The following ZFHX2 variants were observed in gnomAD, a reference collection of about 807,000 sequenced individuals.
The protein encoded by ZFHX2 is zinc finger homeobox protein 2.
ZFHX2 carries 75 observed loss-of-function variants against 164.8 expected under a neutral mutation model. That is an observed-to-expected ratio of 0.46 (90% confidence interval 0.38 to 0.55). ZFHX2 has a LOEUF of 0.55. ZFHX2 is among the 20% of genes least tolerant of loss of function. ZFHX2 has a pLI of 0.00. For synonymous variants in ZFHX2, 1,217 were observed against 1,351.4 expected, an observed-to-expected ratio of 0.90 and a Z score of 2.18; for missense variants, 2,933 against 3,308.0, an observed-to-expected ratio of 0.89 and a Z score of 2.78.
At chr14:23,540,822 C>T (rs903223943) in intron 1 of ZFHX2, among the ~76,000 whole-genome samples, 19 of 152,228 alleles carry the variant, frequency 1.2e-4, no homozygotes, top group African/African-American at 4.6e-4. Flanking sequence ...TTTTCCTTCT[C>T]TCTTTCCTGT....
In ZFHX2 at chr14:23,532,688, T is replaced by G. The variant is rs1286214293; in HGVS notation, c.2438A>C (p.Tyr813Ser). The G allele has an allele frequency of 6.5e-7, 1 of 1,528,572 alleles. No individual in the cohort carries two copies. Among genetic ancestry groups the G allele is most frequent in the South Asian group, 1.2e-5 (1 of 82,566 alleles). 94.7% of individuals were successfully genotyped at this position (1,528,572 alleles called of 1,614,324 possible). Reference protein sequence around the residue: ...SPASLGDGAPYGSVSPLHLRC... With the variant: ...SPASLGDGAPSGSVSPLHLRC... Reference sequence around the variant, plus strand: ...CAGGTGTAGTGGGGAGACAGACCCATAAGGAGCCCCATCTCCCAGGGATGC... The same window carrying G: ...CAGGTGTAGTGGGGAGACAGACCCAGAAGGAGCCCCATCTCCCAGGGATGC... The change falls in exon 3 of 10, where the codon TAT becomes TCT. Residue 813 changes from tyrosine (Y) to serine (S), a missense_variant. Physicochemically the swap from Tyr to Ser is moderately radical, Grantham distance 144. Transcript: ENST00000419474.
chr14:23,526,952 A>T lies in ZFHX2; in HGVS notation c.3157T>A (p.Phe1053Ile). 1 of 1,525,054 alleles carries T rather than the reference A, an allele frequency of 6.6e-7. No individual in the cohort carries two copies. Among genetic ancestry groups the T allele is most frequent in the African/African-American group, 1.4e-5 (1 of 72,422 alleles). The allele number at this position is 1,525,054 out of a possible 1,614,324, so 94.5% of individuals were successfully genotyped here. ...GGTGCAGACAGCACTTTGGTTGTAA[A>T]TGTCATTTCTACAGTTGTAGCCTGC... ...LLVATTVEMT[F>I]TTKVLSAPTL... The change falls in exon 8 of 10, where the codon TTT becomes ATT. Residue 1053 changes from phenylalanine (F) to isoleucine (I), a missense_variant. Transcript: ENST00000419474.
chr14:23,527,820 G>C lies in ZFHX2; in HGVS notation c.2935-16C>G. On this transcript the variant is annotated splice_polypyrimidine_tract_variant and intron_variant, in intron 6 of 9. Transcript: ENST00000419474. ...AGCAGTATACCTGGAGGGAACATAT[G>C]GGCAGTGGACGAAGTGTCAGGGAAG... The C allele has an allele frequency of 6.5e-7, 1 of 1,534,170 alleles. No homozygotes were observed. Among genetic ancestry groups the C allele is most frequent in the African/African-American group, 1.4e-5 (1 of 73,066 alleles).
At chr14:23,555,282 A>G (rs1882270302), upstream of ZFHX2, among the ~76,000 whole-genome samples, 1 of 152,124 alleles carries the variant, frequency 6.6e-6, no homozygotes, top group Non-Finnish European at 1.5e-5. Context: ...TGCAGGTGTG[A>G]GCAACCGCAC....
Position 23,535,129 on chromosome 14 carries a change from C to T in ZFHX2, c.197G>A (p.Gly66Asp), listed in dbSNP as rs1464110343. ...CCCAATCTCCTTTGGTGGGACGAGGCCACAGCCCGACTCCAGGAGCTGTCC... is the reference window on the plus strand; with the variant it reads ...CCCAATCTCCTTTGGTGGGACGAGGTCACAGCCCGACTCCAGGAGCTGTCC... ...PGGQLLESGC[G>D]LVPPKEIGEP... Residue 66 changes from glycine (G) to aspartate (D), a missense_variant, in exon 2 of 10, where the codon GGC (glycine) becomes GAC (aspartate). Coordinates refer to ENST00000419474, the MANE Select transcript of ZFHX2 (RefSeq NM_033400.3). This position sits in a 1 kb window ranked among gnomAD's most constrained non-coding sequence, Gnocchi z 4.5. The T allele has an allele frequency of 2.0e-6, 3 of 1,536,024 alleles. No individual in the cohort carries two copies. The East Asian group carries it at 7.3e-5, about 38-fold the overall frequency.
At chr14:23,530,993 A>C (rs1380159973) in intron 4 of ZFHX2, 1 of 162,756 alleles carries the variant, frequency 6.1e-6, no homozygotes, top group Non-Finnish European at 1.3e-5. Flanking sequence ...GGGTGACTCT[A>C]AGCCCAGCCT....
At chr14:23,539,740 C>T (rs747370547) in intron 1 of ZFHX2, among the ~76,000 whole-genome samples, 12 of 152,140 alleles carry the variant, frequency 7.9e-5, no homozygotes, top group Non-Finnish European at 1.6e-4. Context: ...GTACAGCCCC[C>T]TCCCACCTCT....
rs1306283606 is a variant in ZFHX2, at chr14:23,526,616, A to G, written c.3326T>C (p.Val1109Ala). ...DPLPEPPLASVEVPDKPSGSP... is the reference protein window; with the variant it reads ...DPLPEPPLASAEVPDKPSGSP... ...TCCTGAGGGTTTGTCTGGGACCTCA[A>G]CTGAGGCCAGGGGAGGCTCAGGAAG... The change falls in exon 9 of 10, where the codon GTT (valine) becomes GCT (alanine). Residue 1109 changes from valine to alanine, a missense_variant. Val to Ala is a moderately conservative substitution (Grantham distance 64). Coordinates refer to ENST00000419474, the MANE Select transcript of ZFHX2 (RefSeq NM_033400.3). 1.0e-5 allele frequency: 16 copies of G among 1,535,830 alleles called. No homozygotes were observed. The highest frequency in any genetic ancestry group is 4.9e-5 in the East Asian group (2 of 40,858).
chr14:23,526,748 C>T (rs117548930), intron 8 of ZFHX2, 69 bp from the exon 9 acceptor site: 1 of 1,533,028 alleles, frequency 6.5e-7, no homozygotes, highest in East Asian at 2.4e-5. Flanking sequence ...CCACTCAATA[C>T]CAAGGCAGTT....
In ZFHX2 at chr14:23,526,413, T is replaced by C. The variant is rs911946037; in HGVS notation, c.3529A>G (p.Thr1177Ala). ...AGAAACTTGTCCAGGGCAAAGTTGG[T>C]GGTTTTCCGATAGGTCAGAGGGTGG... ...SRHPLTYRKT[T>A]NFALDKFLDP... Residue 1177 changes from threonine (T) to alanine (A), a missense_variant, in exon 9 of 10, where the codon ACC (threonine) becomes GCC (alanine). Physicochemically the swap from Thr to Ala is moderately conservative, Grantham distance 58. Transcript: ENST00000419474. 6.5e-7 allele frequency: 1 copy of C among 1,536,008 alleles called. No individual in the cohort carries two copies. Among genetic ancestry groups the C allele is most frequent in the Non-Finnish European group, 8.7e-7 (1 of 1,146,736 alleles).
At chr14:23,543,532 GGTTT>G (rs1329595023) in intron 1 of ZFHX2, 8 of 152,318 alleles carry the variant, frequency 5.3e-5, no homozygotes, top group African/African-American at 9.6e-5. Flanking sequence ...TCTTCCATTT[GGTTT>G]GTTTCTTAGT....
Position 23,521,549 on chromosome 14 carries a change from T to A in ZFHX2, c.*413A>T, listed in dbSNP as rs187466392. ...TTGGTGTTTTCTCAGTGGAACATCA[T>A]GGGATAACGTGTGTGTGTGCATGTA... On this transcript the variant is annotated 3_prime_UTR_variant, in exon 10 of 10. Transcript: ENST00000419474. The A allele has an allele frequency of 6.1e-6, 1 of 162,684 alleles. No individual in the cohort carries two copies. The highest frequency in any genetic ancestry group is 6.3e-5 in the Admixed American group (1 of 15,836). The allele number at this position is 162,684 out of a possible 1,614,324, so 10.1% of individuals were successfully genotyped here.
Position 23,533,659 on chromosome 14 carries a change from G to C in ZFHX2, c.1667C>G (p.Pro556Arg). ...CTTAGGCTCTTTGTCTCCCGCGGAG[G>C]GTGGGAGTGATGCCTCTGGTGGACT... ...QGSPPEASLP[P>R]SAGDKEPKTK... Residue 556 changes from proline (P) to arginine (R), a missense_variant, in exon 2 of 10, where the codon CCC becomes CGC. By Grantham distance (103) the Pro-to-Arg change is moderately radical. Transcript: ENST00000419474. This position sits in a 1 kb window ranked among gnomAD's most constrained non-coding sequence, Gnocchi z 4.8. 6.5e-7 allele frequency: 1 copy of C among 1,537,412 alleles called. No individual in the cohort carries two copies.
Position 23,522,925 on chromosome 14 carries a change from T to C in ZFHX2, c.6756A>G (p.Ser2252=). 1 of 1,447,548 alleles carries C rather than the reference T, an allele frequency of 6.9e-7. No homozygotes were observed. The highest frequency in any genetic ancestry group is 1.4e-5 in the South Asian group (1 of 69,410). 89.7% of individuals were successfully genotyped at this position (1,447,548 alleles called of 1,614,324 possible). A position where few individuals can be genotyped will look rare whatever the true frequency, so the allele number is the denominator to read the frequency against. ...CCGAAGTGGCGAGGCCGAGGAGGCC[T>C]GAGGAGGCTGCCGGGCCTAGAAAGG... ...APFNSGPAAS[S]GLLGLATSVL... The change falls in exon 10 of 10, where the codon TCA becomes TCG. Residue 2252 remains serine (S), a synonymous_variant. Transcript: ENST00000419474.
At position 23,534,779 on chromosome 14, in the gene ZFHX2, A is replaced by G; in HGVS notation, c.547T>C (p.Ser183Pro). ...TCATGGGACAGAATTTGGTCAGAAG[A>G]GCTAAAGCCTTGGATTGGGTCAAAG... The part of the protein sequence containing the change: ...HGFDPIQGFS[S>P]SDQILSHDTS... Residue 183 changes from serine (S) to proline (P), a missense_variant, in exon 2 of 10, where the codon TCT (serine) becomes CCT (proline). Coordinates refer to ENST00000419474, the MANE Select transcript of ZFHX2 (RefSeq NM_033400.3). This position sits in a 1 kb window ranked among gnomAD's most constrained non-coding sequence, Gnocchi z 4.5. 4.6e-6 allele frequency: 7 copies of G among 1,536,036 alleles called. No homozygotes were observed. Among genetic ancestry groups the G allele is most frequent in the Non-Finnish European group, 6.1e-6 (7 of 1,146,882 alleles).
chr14:23,524,932 G>A lies in ZFHX2; in HGVS notation c.5010C>T (p.Ser1670=), dbSNP rs935542035. The part of the protein sequence containing the change: ...MPTGGGTGGA[S]GCRRCHATFS... ...AAGTGGCGTGGCAACGCCTGCAGCCGGAGGCTCCCCCAGTGCCTCCTCCGG... is the reference window on the plus strand; with the variant it reads ...AAGTGGCGTGGCAACGCCTGCAGCCAGAGGCTCCCCCAGTGCCTCCTCCGG... The change falls in exon 9 of 10, where the codon TCC becomes TCT. Residue 1670 remains serine (S), a synonymous_variant. Coordinates refer to ENST00000419474, the MANE Select transcript of ZFHX2 (RefSeq NM_033400.3). This position sits in a 1 kb window ranked among gnomAD's most constrained non-coding sequence, Gnocchi z 5.6. The A allele has an allele frequency of 2.9e-5, 44 of 1,536,150 alleles. No homozygotes were observed. The Middle Eastern group carries it at 5.0e-4, about 17-fold the overall frequency.
At chr14:23,545,180 A>G (rs1881261823) in intron 1 of ZFHX2, among the ~76,000 whole-genome samples, 1 of 151,910 alleles carries the variant, frequency 6.6e-6, no homozygotes, top group African/African-American at 2.4e-5. Context: ...AGGGGAAACC[A>G]GCAAAGACAA....
intron 6 of ZFHX2, chr14:23,528,876 G>A (rs1465790744): frequency 3.1e-6 from 3 of 974,638 alleles, no homozygotes; most frequent in Non-Finnish European, 3.7e-6. Flanking sequence ...GCTGGCACCA[G>A]TGGCACAGGC....
In ZFHX2 at chr14:23,525,191, C is replaced by T; in HGVS notation, c.4751G>A (p.Arg1584Lys). Reference protein sequence around the residue: ...HWPIEEEESSRGNLPPLVPAG... With the variant: ...HWPIEEEESSKGNLPPLVPAG... The stretch of plus-strand genomic sequence containing the variant: ...AGGCACCAGGGGAGGAAGATTCCCT[C>T]TGGAGCTTTCTTCCTCTTCTATGGG... The change falls in exon 9 of 10, where the codon AGA becomes AAA. Residue 1584 changes from arginine (R) to lysine (K), a missense_variant. Physicochemically the swap from Arg to Lys is conservative, Grantham distance 26. Transcript: ENST00000419474. This position sits in a 1 kb window ranked among gnomAD's most constrained non-coding sequence, Gnocchi z 5.9. The T allele has an allele frequency of 6.5e-7, 1 of 1,536,136 alleles. No individual in the cohort carries two copies. Among genetic ancestry groups the T allele is most frequent in the South Asian group, 1.2e-5 (1 of 84,066 alleles).
Sources: allele counts gnomAD v4.1 joint callset (sites outside exome capture counted in the v4.1 genomes callset), GRCh38; gene constraint gnomAD v4.1.1; non-coding constraint Gnocchi (gnomAD v3.1); transcripts MANE v1.5; gene names NCBI Gene and HGNC (gene_info 2026-07-23, HGNC 2026-07-21).